The following MED12 variants were observed in gnomAD, a reference collection of about 807,000 sequenced individuals.
MED12 encodes mediator of RNA polymerase II transcription subunit 12.
MED12 carries 10 observed loss-of-function variants against 177.7 expected under a neutral mutation model. The observed-to-expected ratio is 0.06, with a 90% CI of 0.03 to 0.10. The LOEUF (loss-of-function observed/expected upper bound fraction) is 0.10. Ranked by LOEUF, MED12 falls within the 10% of genes least tolerant of loss-of-function variation. The pLI, the probability that MED12 is intolerant of heterozygous loss-of-function variation, is 1.00. For missense variants in MED12, 867 were observed against 1,780.8 expected, an observed-to-expected ratio of 0.49 and a Z score of 9.23; for synonymous variants, 641 against 678.4, an observed-to-expected ratio of 0.94 and a Z score of 0.86.
In MED12 at chrX:71,124,527, C is replaced by G; in HGVS notation, c.1974+139C>G. On this transcript the variant is annotated intron_variant, in intron 13 of 44. Coordinates refer to ENST00000374080, the MANE Select transcript of MED12 (RefSeq NM_005120.3). Reference sequence around the variant, plus strand: ...AGCACTTGGTGATTGACCAAGCACTCTCACATCAATTGTTTCATTGGTTCC... The same window carrying G: ...AGCACTTGGTGATTGACCAAGCACTGTCACATCAATTGTTTCATTGGTTCC... 5.6e-6 allele frequency: 3 copies of G among 533,033 alleles called. No homozygotes were observed. The South Asian group carries it at 8.4e-5, about 15-fold the overall frequency. The allele number at this position is 533,033 out of a possible 1,213,427, so 43.9% of individuals were successfully genotyped here. A position where few individuals can be genotyped will look rare whatever the true frequency, so the allele number is the denominator to read the frequency against.
intron 10 of MED12, 101 bp from the exon 11 acceptor site, chrX:71,122,994 C>T: frequency 1.7e-6 from 2 of 1,164,243 alleles, no homozygotes; most frequent in Non-Finnish European, 1.2e-6. Flanking sequence ...TCTTACTGGG[C>T]CCAGGATGTT....
At position 71,137,923 on chromosome X, in the gene MED12, T is replaced by G. The variant is rs2092336755; in HGVS notation, c.6024T>G (p.His2008Gln). The change falls in exon 41 of 45, where the codon CAT becomes CAG. Residue 2008 changes from histidine to glutamine, a missense_variant. Around this residue, in one of 14 missense-constraint regions of MED12, gnomAD observed 236 missense variants for 345.2 expected, o/e 0.68. Coordinates refer to ENST00000374080, the MANE Select transcript of MED12 (RefSeq NM_005120.3). ...YVHQQAPTYG[H>Q]GLTSTQRFSH... ...ACCAGCAGGCCCCCACCTATGGACA[T>G]GGACTGACCTCCACTCAAAGGTACC... The G allele has an allele frequency of 2.5e-6, 3 of 1,209,443 alleles. No individual in the cohort carries two copies. The highest frequency in any genetic ancestry group is 3.4e-6 in the Non-Finnish European group (3 of 894,889).
chrX:71,128,952 C>G (rs1426018595), intron 24 of MED12, 162 bp from the exon 25 acceptor site: 13 of 560,472 alleles, frequency 2.3e-5, no homozygotes, highest in Non-Finnish European at 3.0e-6. Flanking sequence ...GTTCTCTGCT[C>G]TACCTCGCTT....
At chrX:71,132,340 C>G (rs1170693062) in intron 30 of MED12, 37 bp from the exon 31 acceptor site, 4 of 1,205,917 alleles carry the variant, frequency 3.3e-6, no homozygotes, top group African/African-American at 1.7e-5. Flanking sequence ...CCTTGCCTGG[C>G]TCCCCTGTGA....
rs2092288251 is a variant in MED12, at chrX:71,121,086, C to G, written c.669C>G (p.Pro223=). 2 of 1,211,207 alleles carry G rather than the reference C, an allele frequency of 1.7e-6. No homozygotes were observed. Among genetic ancestry groups the G allele is most frequent in the East Asian group, 3.0e-5 (1 of 33,827 alleles). ...GTGGTTCCACGATAGGGCCCTTGCC[C>G]CATGATGTAGAGGTGGCAATCCGGC... ...GGCGSTIGPL[P]HDVEVAIRQW... Residue 223 remains proline, a synonymous_variant, in exon 5 of 45, where the codon CCC becomes CCG. Transcript: ENST00000374080.
intron 36 of MED12, among the ~76,000 whole-genome samples, chrX:71,136,031 T>G (rs2092331531): frequency 3.8e-5 from 4 of 106,034 alleles, no homozygotes. Context: ...CCCGCCCCGT[T>G]AGTTCATCTC....
chrX:71,133,293 G>A (rs2092323434), intron 33 of MED12, 81 bp downstream of exon 33: 1 of 689,627 alleles, frequency 1.5e-6, no homozygotes, highest in Non-Finnish European at 2.3e-6. Context: ...TGGGGAGAAT[G>A]GGGGTAAGGA....
intron 13 of MED12, 84 bp from the exon 14 acceptor site, chrX:71,124,680 C>A: frequency 1.3e-6 from 1 of 774,856 alleles, no homozygotes; most frequent in Non-Finnish European, 2.0e-6. Context: ...GGTCTTCTCT[C>A]TCCACTTCCC....
Position 71,135,130 on chromosome X carries a change from G to A in MED12, c.4902G>A (p.Lys1634=), listed in dbSNP as rs2092328907. 8.3e-7 allele frequency: 1 copy of A among 1,211,344 alleles called. No individual in the cohort carries two copies. The part of the protein sequence containing the change: ...LGERQSDSLE[K]VRQLLPLPKQ... ...AGCGCCAGTCAGACAGTCTGGAAAAGGTTCGCCAGCTGCTGCCACTGCCCA... is the reference window on the plus strand; with the variant it reads ...AGCGCCAGTCAGACAGTCTGGAAAAAGTTCGCCAGCTGCTGCCACTGCCCA... Residue 1634 remains lysine (K), a synonymous_variant, in exon 36 of 45, where the codon AAG becomes AAA. Transcript: ENST00000374080.
rs786200971 is a variant in MED12, at chrX:71,140,829, G to GGCA, written c.6256_6258dup (p.Gln2086dup). On this transcript the variant is annotated inframe_insertion, in exon 42 of 45. Transcript: ENST00000374080. ...CAGCAGCAGCAGCAGTACCACATCCGGCAGCAGCAGCAGCAGCAGATCCTG... is the reference window on the plus strand; with the variant it reads ...CAGCAGCAGCAGCAGTACCACATCCGGCAGCAGCAGCAGCAGCAGCAGATCCTG... 3.8e-5 allele frequency: 45 copies of GGCA among 1,197,107 alleles called. No homozygotes were observed. Among genetic ancestry groups the GGCA allele is most frequent in the East Asian group, 1.5e-4 (5 of 33,328 alleles).
chrX:71,124,643 C>T, intron 13 of MED12, 121 bp from the exon 14 acceptor site: 1 of 597,818 alleles, frequency 1.7e-6, no homozygotes, highest in Non-Finnish European at 2.8e-6. Context: ...TGAGGCTTGA[C>T]TCCAGATCCT....
intron 5 of MED12, 82 bp downstream of exon 5, chrX:71,121,234 C>T: frequency 1.7e-6 from 2 of 1,188,220 alleles, no homozygotes; most frequent in Non-Finnish European, 2.3e-6. Flanking sequence ...ATCTGCCTGC[C>T]ACCTTGCCCC....
intron 34 of MED12, 113 bp from the exon 35 acceptor site, chrX:71,134,600 G>A (rs1381756739): frequency 2.7e-5 from 29 of 1,062,014 alleles, no homozygotes; most frequent in Non-Finnish European, 3.8e-5. Context: ...ATACAGTTTT[G>A]GTGCCCTTGG....
rs778632220 is a variant in MED12 at position 71,136,665 on chromosome X, T to TC, written c.5400+15dup. 2.5e-6 allele frequency: 3 copies of TC among 1,205,808 alleles called. No homozygotes were observed. Among genetic ancestry groups the TC allele is most frequent in the Non-Finnish European group, 3.4e-6 (3 of 893,793 alleles). Reference sequence around the variant, plus strand: ...AGCTACCAAGACAGAGGTGAGCGCCTCCCCCGTGACAGTTCTCCCACAGCC... The same window carrying TC: ...AGCTACCAAGACAGAGGTGAGCGCCTCCCCCCGTGACAGTTCTCCCACAGCC... On this transcript the variant is annotated intron_variant, in intron 37 of 44. Coordinates refer to ENST00000374080, the MANE Select transcript of MED12 (RefSeq NM_005120.3).
At chrX:71,121,519 C>A (rs191831783) in intron 6 of MED12, 43 bp from the exon 7 acceptor site, 4 of 1,210,591 alleles carry the variant, frequency 3.3e-6, no homozygotes, top group Admixed American at 4.4e-5. Context: ...AGAGCAGGGT[C>A]CCCTGGAGAG....
rs764894174 is a variant in MED12 at position 71,125,090 on chromosome X, G to A, written c.2170G>A (p.Val724Ile). The A allele has an allele frequency of 8.3e-7, 1 of 1,208,599 alleles. No homozygotes were observed. The highest frequency in any genetic ancestry group is 1.1e-6 in the Non-Finnish European group (1 of 894,829). The change falls in exon 15 of 45, where the codon GTT becomes ATT. Residue 724 changes from valine (V) to isoleucine (I), a missense_variant. Physicochemically the swap from Val to Ile is conservative, Grantham distance 29. Around this residue, in one of 14 missense-constraint regions of MED12, gnomAD observed 309 missense variants for 556.3 expected, o/e 0.56. Coordinates refer to ENST00000374080, the MANE Select transcript of MED12 (RefSeq NM_005120.3). The stretch of plus-strand genomic sequence containing the variant: ...GGAGAAGATTGAAGGGACCCTTGGG[G>A]TTCTTTACGACCAGCCACGACACGT... ...PKEKIEGTLG[V>I]LYDQPRHVQY... is the part of the protein sequence containing the mutation.
Position 71,142,395 on chromosome X carries a change from T to C in MED12, c.*177T>C, listed in dbSNP as rs1286838534. ...CATTGAGCTGTTGGGTTTTGTATAT[T>C]ATTTATATAGAGACCCCAGAGCTGT... On this transcript the variant is annotated 3_prime_UTR_variant, in exon 45 of 45. Transcript: ENST00000374080. 2 of 466,992 alleles carry C rather than the reference T, an allele frequency of 4.3e-6. No individual in the cohort carries two copies. The highest frequency in any genetic ancestry group is 7.3e-6 in the Non-Finnish European group (2 of 273,901). 38.5% of individuals were successfully genotyped at this position (466,992 alleles called of 1,213,427 possible).
Position 71,139,117 on chromosome X carries a change from T to C in MED12, c.6044+1174T>C, listed in dbSNP as rs376829053. On this transcript the variant is annotated intron_variant, in intron 41 of 44. Coordinates refer to ENST00000374080, the MANE Select transcript of MED12 (RefSeq NM_005120.3). ...ACTATAGCTGGGGAGATGAGACTTA[T>C]AGAAGAATATTGAGAGAACACTCTG... Among the ~76,000 whole-genome samples, 6 of 112,104 alleles carry C rather than the reference T, an allele frequency of 5.4e-5. No individual in the cohort carries two copies. In the Admixed American group the frequency reaches 5.7e-4, roughly 11 times the overall value.
rs2092350460 is a variant in MED12 at position 71,142,404 on chromosome X, A to G, written c.*186A>G. Reference sequence around the variant, plus strand: ...GTTGGGTTTTGTATATTATTTATATAGAGACCCCAGAGCTGTTGCACCCAA... The same window carrying G: ...GTTGGGTTTTGTATATTATTTATATGGAGACCCCAGAGCTGTTGCACCCAA... On this transcript the variant is annotated 3_prime_UTR_variant, in exon 45 of 45. Transcript: ENST00000374080. 4.4e-6 allele frequency: 2 copies of G among 449,979 alleles called. No individual in the cohort carries two copies. The highest frequency in any genetic ancestry group is 7.7e-6 in the Non-Finnish European group (2 of 260,259). 37.1% of individuals were successfully genotyped at this position (449,979 alleles called of 1,213,427 possible).
Sources: gnomAD v4.1 joint callset for allele counts (sites outside exome capture counted in the v4.1 genomes callset) on GRCh38, gnomAD v4.1.1 for gene constraint, gnomAD v4.1.1 regional missense constraint, MANE v1.5 for transcripts, NCBI Gene and HGNC (gene_info 2026-07-23, HGNC 2026-07-21) for gene names.